DERA: variants seen among roughly 807,000 people sequenced by gnomAD.
The protein encoded by DERA is deoxyribose-phosphate aldolase, also known as 2-deoxy-D-ribose 5-phosphate aldolase.
A neutral mutation model predicts 41.1 loss-of-function variants in DERA; 15 were observed. The ratio of observed to expected loss-of-function variants is 0.37; its 90% CI spans 0.24 to 0.56. The LOEUF is 0.56. DERA is among the 20% of genes least tolerant of loss of function. The probability of loss-of-function intolerance (pLI) is 0.81; values close to 1 mark genes in which losing one functional copy is unlikely to be tolerated. For synonymous variants in DERA, 139 were observed against 137.4 expected, an observed-to-expected ratio of 1.01 and a Z score of -0.08; for missense variants, 396 against 403.4, an observed-to-expected ratio of 0.98 and a Z score of 0.16.
chr12:15,995,052 A>C lies in DERA; in HGVS notation c.637+12616A>C, dbSNP rs1203757408. ...AATTTTCTGAAGGACTTTTGACTCT[A>C]AACTCCATGCTTTTATTAATGCACA... On this transcript the variant is annotated intron_variant, in intron 6 of 8. Coordinates refer to ENST00000428559, the MANE Select transcript of DERA (RefSeq NM_015954.4). This position sits in a 1 kb window ranked among gnomAD's most constrained non-coding sequence, Gnocchi z 5.1. 6.6e-6 allele frequency among the ~76,000 whole-genome samples: 1 copy of C among 152,190 alleles called. No homozygotes were observed. The highest frequency in any genetic ancestry group is 1.5e-5 in the Non-Finnish European group (1 of 68,026).
rs1408457935 is a variant in DERA at position 15,957,868 on chromosome 12, A to C, written c.130-320A>C. Among the ~76,000 whole-genome samples the C allele has an allele frequency of 6.6e-6, 1 of 152,146 alleles. No individual in the cohort carries two copies. The highest frequency in any genetic ancestry group is 2.4e-5 in the African/African-American group (1 of 41,422). ...GTTCTTCTTTGTCAGGGTGGCTCTG[A>C]TGGGCTCTCCCTTTGGCTGAGATGG... On this transcript the variant is annotated intron_variant, in intron 2 of 8. Transcript: ENST00000428559. The surrounding 1 kb of genome is among the most constrained non-coding windows in gnomAD (Gnocchi z 4.8).
At position 16,009,365 on chromosome 12, in the gene DERA, T is replaced by A. The variant is rs112841428; in HGVS notation, c.638-23177T>A. On this transcript the variant is annotated intron_variant, in intron 6 of 8. Coordinates refer to ENST00000428559, the MANE Select transcript of DERA (RefSeq NM_015954.4). The surrounding 1 kb of genome is among the most constrained non-coding windows in gnomAD (Gnocchi z 5.3). ...CCATCAAACCAGTCTTAACTGTTCA[T>A]CCTATATACAATACTTTTTAGATCT... Among the ~76,000 whole-genome samples the A allele has an allele frequency of 3.1e-3, 476 of 152,320 alleles. 3 individuals are homozygous for A. The highest frequency in any genetic ancestry group is 0.011 in the African/African-American group (463 of 41,574).
At chr12:15,980,324 G>T (rs1470610247) in intron 5 of DERA, among the ~76,000 whole-genome samples, 1 of 152,188 alleles carries the variant, frequency 6.6e-6, no homozygotes, top group African/African-American at 2.4e-5. Flanking sequence ...ATCTGCATTT[G>T]TCCTACTCTA....
chr12:15,958,456 T>G (rs893810126), intron 3 of DERA, 121 bp downstream of exon 3: 2 of 662,818 alleles, frequency 3.0e-6, no homozygotes, highest in African/African-American at 3.8e-5. Context: ...ATAGAAACTC[T>G]TGCTGTGTAT....
chr12:16,006,511 T>C (rs1948911787), intron 6 of DERA, among the ~76,000 whole-genome samples: 3 of 152,218 alleles, frequency 2.0e-5, no homozygotes. Context: ...TCAACTACCC[T>C]CTCTCCACAC....
In DERA at chr12:15,982,539, T is replaced by C. The variant is rs1427615033; in HGVS notation, c.637+103T>C. 3.9e-6 allele frequency: 5 copies of C among 1,298,572 alleles called. No homozygotes were observed. The highest frequency in any genetic ancestry group is 5.2e-6 in the Non-Finnish European group (5 of 958,028). 80.4% of individuals were successfully genotyped at this position (1,298,572 alleles called of 1,614,324 possible). On this transcript the variant is annotated intron_variant, in intron 6 of 8. Coordinates refer to ENST00000428559, the MANE Select transcript of DERA (RefSeq NM_015954.4). This position sits in a 1 kb window ranked among gnomAD's most constrained non-coding sequence, Gnocchi z 4.0. Reference sequence around the variant, plus strand: ...GCTATTATTAAACGTGCTAACCACTTGGAATTTTTTTGCGGGAGGAATCGG... The same window carrying C: ...GCTATTATTAAACGTGCTAACCACTCGGAATTTTTTTGCGGGAGGAATCGG...
At chr12:15,950,051 C>G (rs1350469578) in intron 1 of DERA, among the ~76,000 whole-genome samples, 1 of 152,144 alleles carries the variant, frequency 6.6e-6, no homozygotes, top group African/African-American at 2.4e-5. Flanking sequence ...TGACTGTTCA[C>G]TCTTGCCTTC....
In DERA at chr12:15,962,809, T is replaced by G; in HGVS notation, c.374-4T>G. 6.5e-7 allele frequency: 1 copy of G among 1,543,346 alleles called. No individual in the cohort carries two copies. The highest frequency in any genetic ancestry group is 1.2e-5 in the South Asian group (1 of 82,252). On this transcript the variant is annotated splice_polypyrimidine_tract_variant and splice_region_variant and intron_variant, in intron 4 of 8. Transcript: ENST00000428559. ...TTCTTCATTTCCTTTCTTAACTCTA[T>G]TAGTGGCCGCTGGATTTCCAGCTGG...
At chr12:15,986,589 C>A (rs1018014683) in intron 6 of DERA, among the ~76,000 whole-genome samples, 3 of 152,084 alleles carry the variant, frequency 2.0e-5, no homozygotes, top group Admixed American at 1.3e-4. Flanking sequence ...AATGGAAGAA[C>A]CTTACAACAG....
At chr12:15,947,151 T>C (rs576559609) in intron 1 of DERA, among the ~76,000 whole-genome samples, 1 of 152,292 alleles carries the variant, frequency 6.6e-6, no homozygotes, top group South Asian at 2.1e-4. Flanking sequence ...TTGGAATAAG[T>C]GTGATATGGT....
chr12:15,978,049 T>G (rs1050034871), intron 5 of DERA, among the ~76,000 whole-genome samples: 2 of 152,226 alleles, frequency 1.3e-5, no homozygotes, highest in African/African-American at 4.8e-5. Flanking sequence ...GAAAACCTGC[T>G]CATTCGTTTT....
intron 5 of DERA, among the ~76,000 whole-genome samples, chr12:15,968,732 G>A (rs1729099418): frequency 1.3e-5 from 2 of 152,322 alleles, no homozygotes; most frequent in African/African-American, 2.4e-5. Flanking sequence ...ATTAGATAAT[G>A]TATGTAAAAT....
In DERA at chr12:16,013,388, TCTTAC is replaced by T. The variant is rs945852119; in HGVS notation, c.638-19152_638-19148del. Among the ~76,000 whole-genome samples the T allele has an allele frequency of 1.4e-4, 21 of 152,180 alleles. No individual in the cohort carries two copies. The highest frequency in any genetic ancestry group is 4.8e-4 in the African/African-American group (20 of 41,442). On this transcript the variant is annotated intron_variant, in intron 6 of 8. Transcript: ENST00000428559. This position sits in a 1 kb window ranked among gnomAD's most constrained non-coding sequence, Gnocchi z 5.8. ...ATGAGGGCAGTTTCCCCCATGTTGT[TCTTAC>T]CATAATGAGTGAGTTCTTAGGAGAT...
chr12:16,006,737 GT>G (rs1948913500), intron 6 of DERA, among the ~76,000 whole-genome samples: 1 of 152,242 alleles, frequency 6.6e-6, no homozygotes, highest in African/African-American at 2.4e-5. Flanking sequence ...TTATTTATCA[GT>G]GCTGAGCACA....
intron 6 of DERA, among the ~76,000 whole-genome samples, chr12:16,031,823 C>T (rs1949094300): frequency 6.6e-6 from 1 of 152,136 alleles, no homozygotes; most frequent in Non-Finnish European, 1.5e-5. Context: ...CTATTTGTAG[C>T]TCATGCAGGT....
intron 1 of DERA, among the ~76,000 whole-genome samples, chr12:15,923,777 A>G (rs528519675): frequency 1.3e-5 from 2 of 149,504 alleles, no homozygotes; most frequent in East Asian, 2.0e-4. Flanking sequence ...GGCTCATTCT[A>G]TCACACATCT....
chr12:15,971,626 C>T (rs1948661207), intron 5 of DERA, among the ~76,000 whole-genome samples: 1 of 150,686 alleles, frequency 6.6e-6, no homozygotes, highest in South Asian at 2.1e-4. Flanking sequence ...AAGAGATTCT[C>T]CTGCCTCAGC....
chr12:15,953,354 A>G (rs1246986968), intron 1 of DERA, among the ~76,000 whole-genome samples: 1 of 152,202 alleles, frequency 6.6e-6, no homozygotes, highest in Non-Finnish European at 1.5e-5. Context: ...TGTGAAAAAT[A>G]CAGGAACTTC....
chr12:16,030,224 G>A (rs181676531), intron 6 of DERA, among the ~76,000 whole-genome samples: 3 of 151,816 alleles, frequency 2.0e-5, no homozygotes, highest in East Asian at 1.9e-4. Flanking sequence ...GAGCCACCAC[G>A]TCCAGCCAGT....
Sources: allele counts gnomAD v4.1 joint callset (sites outside exome capture counted in the v4.1 genomes callset), GRCh38; gene constraint gnomAD v4.1.1; non-coding constraint Gnocchi (gnomAD v3.1); transcripts MANE v1.5; gene names NCBI Gene and HGNC (gene_info 2026-07-23, HGNC 2026-07-21).